The following CALB2 variants were observed in gnomAD, a reference collection of about 807,000 sequenced individuals.
CALB2 encodes calbindin 2, also known as calretinin.
Under a neutral mutation model 45.9 loss-of-function variants are expected in CALB2, and 34 were observed. The ratio of observed to expected loss-of-function variants is 0.74; its 90% CI spans 0.56 to 0.99. The LOEUF (loss-of-function observed/expected upper bound fraction) is 0.99. Among genes scored for constraint, CALB2 ranks in the 50% least tolerant of loss-of-function variants. The pLI is 0.00. For missense variants in CALB2, 344 were observed against 339.3 expected (o/e 1.01, Z -0.11); for synonymous variants, 142 against 129.6 (o/e 1.10, Z -0.65).
intron 1 of CALB2, among the ~76,000 whole-genome samples, chr16:71,371,891 C>T (rs2042355643): frequency 6.6e-6 from 1 of 152,208 alleles, no homozygotes; most frequent in Non-Finnish European, 1.5e-5. Context: ...CGGAAGCTGC[C>T]AACTTCTGCT....
In CALB2 at chr16:71,383,434, C is replaced by T; in HGVS notation, c.467C>T (p.Thr156Ile). 6.2e-7 allele frequency: 1 copy of T among 1,614,036 alleles called. No homozygotes were observed. Among genetic ancestry groups the T allele is most frequent in the Non-Finnish European group, 8.5e-7 (1 of 1,179,924 alleles). Residue 156 changes from threonine (T) to isoleucine (I), a missense_variant, in exon 6 of 11, where the codon ACC becomes ATC. Physicochemically the swap from Thr to Ile is moderately conservative, Grantham distance 89. Coordinates refer to ENST00000302628, the MANE Select transcript of CALB2 (RefSeq NM_001740.5). ...GATGAGCCCAAGCTCCAGGAATACA[C>T]CCAAACCATAGTGAGTGAACAGAAG... The part of the protein sequence containing the change: ...PYDEPKLQEY[T>I]QTILRMFDLN...
In CALB2 at chr16:71,390,059, T is replaced by TGC; in HGVS notation, c.*195_*196dup. The TGC allele has an allele frequency of 1.7e-6, 1 of 573,230 alleles. No individual in the cohort carries two copies. Among genetic ancestry groups the TGC allele is most frequent in the Non-Finnish European group, 3.1e-6 (1 of 321,160 alleles). The allele number at this position is 573,230 out of a possible 1,614,324, so 35.5% of individuals were successfully genotyped here. The stretch of plus-strand genomic sequence containing the variant: ...GTCCTGAGCCCCCTGCACCCACCCC[T>TGC]GCCCAGGCAGTCTTTGCTCAGTGGA... On this transcript the variant is annotated 3_prime_UTR_variant, in exon 11 of 11. Coordinates refer to ENST00000302628, the MANE Select transcript of CALB2 (RefSeq NM_001740.5).
At chr16:71,385,940 G>C (rs2042566231) in intron 10 of CALB2, among the ~76,000 whole-genome samples, 1 of 152,072 alleles carries the variant, frequency 6.6e-6, no homozygotes, top group African/African-American at 2.4e-5. Flanking sequence ...TCATAATATT[G>C]CACATGCGTG....
At chr16:71,385,783 G>C in intron 10 of CALB2, 135 bp downstream of exon 10, 1 of 626,998 alleles carries the variant, frequency 1.6e-6, no homozygotes, top group Non-Finnish European at 2.7e-6. Context: ...TAGACATTTT[G>C]TGGGTTTGCT....
At chr16:71,385,088 G>C (rs986086408) in intron 9 of CALB2, among the ~76,000 whole-genome samples, 1 of 152,172 alleles carries the variant, frequency 6.6e-6, no homozygotes, top group Non-Finnish European at 1.5e-5. Flanking sequence ...GAACTAGGGT[G>C]TGACCACGCT....
At chr16:71,364,681 A>G (rs2042264750) in intron 1 of CALB2, among the ~76,000 whole-genome samples, 1 of 152,140 alleles carries the variant, frequency 6.6e-6, no homozygotes, top group African/African-American at 2.4e-5. Context: ...GGTTCAGGGG[A>G]CCCAGCCCAG....
At chr16:71,384,433 T>C (rs1417193248) in intron 8 of CALB2, 55 bp downstream of exon 8, 2 of 1,422,470 alleles carry the variant, frequency 1.4e-6, no homozygotes, top group African/African-American at 1.6e-5. Context: ...AGCCTGGCCC[T>C]GCACCCTCCT....
At chr16:71,388,370 GA>G (rs1170338105) in intron 10 of CALB2, among the ~76,000 whole-genome samples, 5 of 146,346 alleles carry the variant, frequency 3.4e-5, no homozygotes, top group Non-Finnish European at 4.5e-5. Flanking sequence ...AAAAGAAAAA[GA>G]AAAAAGAAAA....
intron 1 of CALB2, 54 bp from the exon 2 acceptor site, chr16:71,372,099 G>T: frequency 2.5e-6 from 3 of 1,196,916 alleles, no homozygotes; most frequent in Admixed American, 1.8e-5. Flanking sequence ...TGCCCACCCC[G>T]TGCCCCCCTT....
intron 4 of CALB2, among the ~76,000 whole-genome samples, chr16:71,378,219 C>T (rs74388737): frequency 6.6e-6 from 1 of 151,324 alleles, no homozygotes; most frequent in Non-Finnish European, 1.5e-5. Flanking sequence ...AGAGAGACTC[C>T]GTCTCAAAAA....
intron 10 of CALB2, 45 bp from the exon 11 acceptor site, chr16:71,389,704 G>A (rs374189663): frequency 1.7e-5 from 24 of 1,425,562 alleles, no homozygotes; most frequent in Non-Finnish European, 2.3e-5. Flanking sequence ...CTTGCGTCGG[G>A]ACCATCCCCT....
At chr16:71,389,687 TG>T in intron 10 of CALB2, 61 bp from the exon 11 acceptor site, 1 of 1,137,414 alleles carries the variant, frequency 8.8e-7, no homozygotes, top group Non-Finnish European at 1.3e-6. Context: ...AATGTGGACG[TG>T]GGCTCCTTGC....
chr16:71,383,887 C>T (rs1162109586), intron 6 of CALB2, 83 bp from the exon 7 acceptor site: 2 of 1,506,622 alleles, frequency 1.3e-6, no homozygotes, highest in African/African-American at 1.4e-5. Flanking sequence ...ACCCGTCCTC[C>T]TTCCCATCCT....
At chr16:71,362,100 T>A (rs998292616) in intron 1 of CALB2, among the ~76,000 whole-genome samples, 1 of 152,220 alleles carries the variant, frequency 6.6e-6, no homozygotes, top group African/African-American at 2.4e-5. Context: ...CGAGTGGCCC[T>A]GACGTGGCCT....
In CALB2 at chr16:71,366,022, C is replaced by CTTTTTTTT. The variant is rs1447467571; in HGVS notation, c.95-6130_95-6129insTTTTTTTT. On this transcript the variant is annotated intron_variant, in intron 1 of 10. Transcript: ENST00000302628. ...TTTCTTTGTTTTCTTCCCTCTCTCT[C>CTTTTTTTT]TCTTTTTTTTTTTTTTTTTTTTGAG... Among the ~76,000 whole-genome samples the CTTTTTTTT allele has an allele frequency of 2.7e-3, 137 of 50,520 alleles. 27 individuals are homozygous for CTTTTTTTT. Among genetic ancestry groups the CTTTTTTTT allele is most frequent in the East Asian group, 0.013 (35 of 2,636 alleles). 33.1% of individuals were successfully genotyped at this position (50,520 alleles called of 152,430 possible). A position where few individuals can be genotyped will look rare whatever the true frequency, so the allele number is the denominator to read the frequency against.
chr16:71,358,726 G>C lies in CALB2; in HGVS notation c.-67G>C. On this transcript the variant is annotated 5_prime_UTR_variant, in exon 1 of 11. Transcript: ENST00000302628. ...GGGCAGCGTGGCGCACAACCCCAGC[G>C]CGAGTGCCAGAGCCCAGCCGGCGCG... is the stretch of plus-strand genomic sequence containing the variant. The C allele has an allele frequency of 1.6e-6, 2 of 1,275,996 alleles. No individual in the cohort carries two copies. The highest frequency in any genetic ancestry group is 2.2e-6 in the Non-Finnish European group (2 of 904,408). 79.0% of individuals were successfully genotyped at this position (1,275,996 alleles called of 1,614,324 possible).
intron 1 of CALB2, among the ~76,000 whole-genome samples, chr16:71,366,161 G>A (rs1314021866): frequency 1.3e-5 from 2 of 149,064 alleles, no homozygotes; most frequent in East Asian, 3.9e-4. Context: ...CAAGTAGATG[G>A]GACTACGTGT....
At chr16:71,382,149 AAGG>A (rs2042504252) in intron 4 of CALB2, among the ~76,000 whole-genome samples, 3 of 146,020 alleles carry the variant, frequency 2.1e-5, no homozygotes, top group African/African-American at 2.6e-5. Context: ...AGAAGGAAGG[AAGG>A]AAAGAAAATA....
intron 4 of CALB2, among the ~76,000 whole-genome samples, chr16:71,381,212 G>A (rs939595162): frequency 6.6e-6 from 1 of 152,208 alleles, no homozygotes; most frequent in Non-Finnish European, 1.5e-5. Context: ...AGTTGTTGGT[G>A]AAGTCATATT....
Sources: allele counts gnomAD v4.1 joint callset (sites outside exome capture counted in the v4.1 genomes callset), GRCh38; gene constraint gnomAD v4.1.1; transcripts MANE v1.5; gene names NCBI Gene and HGNC (gene_info 2026-07-23, HGNC 2026-07-21).